The following GPHN variants were observed in gnomAD, a reference collection of about 807,000 sequenced individuals.
GPHN encodes the protein gephyrin.
GPHN carries 17 observed loss-of-function variants against 95.5 expected under a neutral mutation model. That is an observed-to-expected ratio of 0.18 (90% CI 0.12 to 0.27). The LOEUF is 0.27. GPHN is among the 10% of genes least tolerant of loss of function. The pLI, the probability that GPHN is intolerant of heterozygous loss-of-function variation, is 1.00. For missense variants in GPHN, 660 were observed against 978.1 expected, an observed-to-expected ratio of 0.67 and a Z score of 4.34; for synonymous variants, 320 against 322.5, an observed-to-expected ratio of 0.99 and a Z score of 0.08.
At chr14:67,088,586 CATTT>C (rs1314021157) in intron 11 of GPHN, among the ~76,000 whole-genome samples, 1 of 152,216 alleles carries the variant, frequency 6.6e-6, no homozygotes, top group Admixed American at 6.5e-5. Context: ...TATACAGAAA[CATTT>C]ATCCATTTTC....
the GPHN span, among the ~76,000 whole-genome samples, chr14:67,490,421 G>C: frequency 1.3e-5 from 2 of 152,176 alleles, no homozygotes; most frequent in Non-Finnish European, 2.9e-5. Flanking sequence ...AGGCATCAGG[G>C]GAGATACTGC....
intron 10 of GPHN, among the ~76,000 whole-genome samples, chr14:67,024,379 T>C (rs1443003467): frequency 6.6e-6 from 1 of 152,248 alleles, no homozygotes; most frequent in East Asian, 1.9e-4. Context: ...TATTGTTCTC[T>C]ATATCTTAAT....
At chr14:67,232,642 T>C in the GPHN span, among the ~76,000 whole-genome samples, 1 of 152,258 alleles carries the variant, frequency 6.6e-6, no homozygotes, top group Non-Finnish European at 1.5e-5. Context: ...ACTAAACTGC[T>C]GAACACCCTT....
At chr14:66,595,578 G>A (rs1371723341) in intron 1 of GPHN, among the ~76,000 whole-genome samples, 1 of 152,190 alleles carries the variant, frequency 6.6e-6, no homozygotes, top group East Asian at 1.9e-4. Flanking sequence ...CACACTAGTT[G>A]TGGTGTGGTG....
At chr14:66,683,716 G>A (rs962179807) in intron 2 of GPHN, among the ~76,000 whole-genome samples, 5 of 151,106 alleles carry the variant, frequency 3.3e-5, no homozygotes, top group South Asian at 2.1e-4. Context: ...AGTTTCTCAC[G>A]CCTGTAATCC....
intron 1 of GPHN, among the ~76,000 whole-genome samples, chr14:66,671,598 T>C (rs566713761): frequency 6.6e-6 from 1 of 152,322 alleles, no homozygotes; most frequent in Non-Finnish European, 1.5e-5. Context: ...ATTAATACCA[T>C]GAAATCTTTA....
intron 12 of GPHN, among the ~76,000 whole-genome samples, chr14:67,097,335 A>G (rs1040647385): frequency 6.6e-6 from 1 of 152,232 alleles, no homozygotes; most frequent in African/African-American, 2.4e-5. Context: ...GAAGTAGCAC[A>G]TGTCACGGAG....
intron 9 of GPHN, among the ~76,000 whole-genome samples, chr14:67,013,679 A>T (rs1259982280): frequency 6.6e-6 from 1 of 152,038 alleles, no homozygotes; most frequent in Non-Finnish European, 1.5e-5. Flanking sequence ...AATGCTAGTT[A>T]AGCATTTAGA....
the GPHN span, chr14:67,588,111 C>G: frequency 6.5e-6 from 1 of 152,728 alleles, no homozygotes; most frequent in African/African-American, 2.4e-5. Flanking sequence ...CATGCTATAC[C>G]TGCTAAGATT....
At chr14:67,062,479 CTA>C (rs1014573616) in intron 11 of GPHN, among the ~76,000 whole-genome samples, 19 of 152,202 alleles carry the variant, frequency 1.2e-4, no homozygotes, top group African/African-American at 4.3e-4. Flanking sequence ...TGTGACATCT[CTA>C]AAATGATTTT....
chr14:67,514,810 T>A, the GPHN span, among the ~76,000 whole-genome samples: 2 of 151,780 alleles, frequency 1.3e-5, no homozygotes, highest in Non-Finnish European at 2.9e-5. Flanking sequence ...CGCACCCCCT[T>A]CCCCAACACG....
chr14:66,854,500 C>G (rs2062718675), intron 4 of GPHN, among the ~76,000 whole-genome samples: 1 of 152,142 alleles, frequency 6.6e-6, no homozygotes, highest in Non-Finnish European at 1.5e-5. Flanking sequence ...TAGTGGAACA[C>G]TTAGGTTAAC....
chr14:66,759,387 C>G (rs1369647768), intron 2 of GPHN, among the ~76,000 whole-genome samples: 2 of 152,234 alleles, frequency 1.3e-5, no homozygotes, highest in African/African-American at 4.8e-5. Flanking sequence ...GAAGGCATAA[C>G]CTTCTACTCA....
chr14:67,093,549 C>G (rs1042549744), intron 12 of GPHN, among the ~76,000 whole-genome samples: 1 of 152,012 alleles, frequency 6.6e-6, no homozygotes, highest in Non-Finnish European at 1.5e-5. Flanking sequence ...GGGAGTAATA[C>G]TCATGTGAAT....
chr14:67,645,863 TAGTTC>T, the GPHN span: 19 of 1,574,508 alleles, frequency 1.2e-5, no homozygotes, highest in African/African-American at 5.4e-5. Flanking sequence ...GGAGTTGGTC[TAGTTC>T]AGTTAAGATT....
Position 66,997,366 on chromosome 14 carries a change from TAAAA to T in GPHN, c.964-26249_964-26246del, listed in dbSNP as rs34315684. Reference sequence around the variant, plus strand: ...TGGGCGATAGAGTGAGACTTCGTCTTAAAAAAAAAAAAAAAAAAAAAGGACTTCA... The same window carrying T: ...TGGGCGATAGAGTGAGACTTCGTCTTAAAAAAAAAAAAAAAAAGGACTTCA... On this transcript the variant is annotated intron_variant, in intron 9 of 22. Coordinates refer to ENST00000478722, the MANE Select transcript of GPHN (RefSeq NM_020806.5). Among the ~76,000 whole-genome samples the T allele has an allele frequency of 3.0e-3, 378 of 123,958 alleles. 5 individuals carry two copies. The highest frequency in any genetic ancestry group is 9.6e-3 in the African/African-American group (337 of 35,044). The allele number at this position is 123,958 out of a possible 152,430, so 81.3% of individuals were successfully genotyped here.
rs527406421 is a variant in GPHN at position 66,991,520 on chromosome 14, G to A, written c.963+26195G>A. ...TCATGCCTGTAACCCAGCACTTTGG[G>A]AAGCCTCACTGAGAAACACTTTGTT... On this transcript the variant is annotated intron_variant, in intron 9 of 22. Transcript: ENST00000478722. Among the ~76,000 whole-genome samples the A allele has an allele frequency of 3.2e-3, 486 of 151,648 alleles. 3 individuals carry two copies. Among genetic ancestry groups the A allele is most frequent in the Middle Eastern group, 0.01 (3 of 292 alleles).
chr14:67,270,125 A>G, the GPHN span: 2 of 152,182 alleles, frequency 1.3e-5, no homozygotes, highest in African/African-American at 4.8e-5. Flanking sequence ...AAATGGTTCT[A>G]TTCGTTGGTA....
chr14:66,523,915 G>T (rs2058579925), intron 1 of GPHN, among the ~76,000 whole-genome samples: 1 of 151,986 alleles, frequency 6.6e-6, no homozygotes, highest in South Asian at 2.1e-4. Flanking sequence ...GTTCAATACT[G>T]AACTGGGGTT....
Sources: gnomAD v4.1 joint callset for allele counts (sites outside exome capture counted in the v4.1 genomes callset) on GRCh38, gnomAD v4.1.1 for gene constraint, MANE v1.5 for transcripts, NCBI Gene and HGNC (gene_info 2026-07-23, HGNC 2026-07-21) for gene names.